The following MYBPC2 variants were observed in gnomAD, a reference collection of about 807,000 sequenced individuals.
MYBPC2 encodes the protein myosin-binding protein C, fast-type.
A neutral mutation model predicts 137.0 loss-of-function variants in MYBPC2; 122 were observed. That is an observed-to-expected ratio of 0.89 (90% CI 0.77 to 1.03). The LOEUF is 1.03. MYBPC2 is among the 50% of genes least tolerant of loss of function. MYBPC2 has a pLI of 0.00. For missense variants in MYBPC2, 1,500 were observed against 1,534.4 expected, an observed-to-expected ratio of 0.98 and a Z score of 0.37; for synonymous variants, 626 against 612.3, an observed-to-expected ratio of 1.02 and a Z score of -0.33.
rs368278760 is a variant in MYBPC2, at chr19:50,437,709, T to C, written c.563T>C (p.Leu188Ser). 46 of 1,603,344 alleles carry C rather than the reference T, an allele frequency of 2.9e-5. No individual in the cohort carries two copies. Among genetic ancestry groups the C allele is most frequent in the Non-Finnish European group, 3.8e-5 (45 of 1,174,944 alleles). Residue 188 changes from leucine (L) to serine (S), a missense_variant, in exon 7 of 28, where the codon TTG (leucine) becomes TCG (serine). By Grantham distance (145) the Leu-to-Ser change is moderately radical. Transcript: ENST00000357701. ...GGTGAGCTGGATTTCAGTGGCCTGT[T>C]GAAGAAGAGGTGAGCCCCGGACTTG... is the stretch of plus-strand genomic sequence containing the variant. Reference protein sequence around the residue: ...TAGELDFSGLLKKREVVEEEK... With the variant: ...TAGELDFSGLSKKREVVEEEK...
intron 26 of MYBPC2, among the ~76,000 whole-genome samples, chr19:50,463,100 C>G (rs1416057690): frequency 6.6e-6 from 1 of 152,258 alleles, no homozygotes; most frequent in South Asian, 2.1e-4. Context: ...GTTGGCAAAC[C>G]ATCACCCATG....
intron 7 of MYBPC2, among the ~76,000 whole-genome samples, chr19:50,440,093 G>A (rs34217446): frequency 0.23 from 34,329 of 151,910 alleles, 3,965 homozygotes; most frequent in Non-Finnish European, 0.25. Flanking sequence ...ATGGCCAGGC[G>A]GAGGGCTGGG....
At chr19:50,437,058 A>G (rs1673033) in intron 5 of MYBPC2, among the ~76,000 whole-genome samples, 61,077 of 151,610 alleles carry the variant, frequency 0.4, 12,631 homozygotes, top group East Asian at 0.51. Flanking sequence ...GAGAAGAAGG[A>G]TGTAGGGGTT....
At chr19:50,451,212 G>A in intron 14 of MYBPC2, 68 bp from the exon 15 acceptor site, 1 of 1,565,056 alleles carries the variant, frequency 6.4e-7, no homozygotes, top group Non-Finnish European at 8.8e-7. Flanking sequence ...TCTTCCTCTG[G>A]GCTGTGAAGG....
chr19:50,458,575 C>G lies in MYBPC2; in HGVS notation c.2339-12C>G. 1 of 1,610,042 alleles carries G rather than the reference C, an allele frequency of 6.2e-7. No individual in the cohort carries two copies. Among genetic ancestry groups the G allele is most frequent in the East Asian group, 2.2e-5 (1 of 44,864 alleles). ...AGGGCACGAGATCCGCCAGCAGGGC[C>G]TCTCTCTCCAGCCGAGGAATGGGTC... On this transcript the variant is annotated splice_polypyrimidine_tract_variant and intron_variant, in intron 20 of 27. Transcript: ENST00000357701.
chr19:50,451,139 C>G, intron 14 of MYBPC2, 141 bp from the exon 15 acceptor site: 1 of 1,107,636 alleles, frequency 9.0e-7, no homozygotes, highest in Non-Finnish European at 1.3e-6. Context: ...GGAGGGGTGG[C>G]TCCTGGGCCT....
Position 50,436,305 on chromosome 19 carries a change from G to A in MYBPC2, c.345+145G>A, listed in dbSNP as rs371041462. 1.3e-4 allele frequency: 170 copies of A among 1,317,294 alleles called. No individual in the cohort carries two copies. The African/African-American group carries it at 2.3e-3, about 18-fold the overall frequency. 81.6% of individuals were successfully genotyped at this position (1,317,294 alleles called of 1,614,324 possible). On this transcript the variant is annotated intron_variant, in intron 4 of 27. Coordinates refer to ENST00000357701, the MANE Select transcript of MYBPC2 (RefSeq NM_004533.4). ...GCCCTCTGAGGATGGAGGTTGTGCGGGGCTGCTGGGGAGAGGTTGTGTGAA... is the reference window on the plus strand; with the variant it reads ...GCCCTCTGAGGATGGAGGTTGTGCGAGGCTGCTGGGGAGAGGTTGTGTGAA...
chr19:50,444,190 C>CCCATT, intron 11 of MYBPC2, among the ~76,000 whole-genome samples: 1 of 148,908 alleles, frequency 6.7e-6, no homozygotes, highest in South Asian at 2.1e-4. Flanking sequence ...ATCTGCTTAA[C>CCCATT]CATCCATCCA....
chr19:50,462,063 G>A lies in MYBPC2; in HGVS notation c.3228+27G>A, dbSNP rs2445840. On this transcript the variant is annotated intron_variant, in intron 26 of 27. Transcript: ENST00000357701. ...TGCCAGGGCAGGGACCCAGATCTGC[G>A]TGTGTGTTGCCTTGTGGGGAATCTT... is the stretch of plus-strand genomic sequence containing the variant. 7,359 of 1,560,512 alleles carry A rather than the reference G, an allele frequency of 4.7e-3. 263 individuals are homozygous for A. In the African/African-American group the frequency reaches 0.078, roughly 17 times the overall value.
At chr19:50,433,139 G>A (rs1293059549) in intron 1 of MYBPC2, among the ~76,000 whole-genome samples, 167 bp downstream of exon 1, 1 of 152,174 alleles carries the variant, frequency 6.6e-6, no homozygotes, top group African/African-American at 2.4e-5. Flanking sequence ...TTTAGGGTGA[G>A]GGTCTCGACT....
Position 50,461,593 on chromosome 19 carries a change from G to A in MYBPC2, c.2983G>A (p.Asp995Asn), listed in dbSNP as rs200402329. The A allele has an allele frequency of 2.1e-4, 331 of 1,613,610 alleles. 3 individuals are homozygous for A. The South Asian group carries it at 3.3e-3, about 16-fold the overall frequency. The change falls in exon 25 of 28, where the codon GAC becomes AAC. Residue 995 changes from aspartate (D) to asparagine (N), a missense_variant. Asp to Asn is a conservative substitution (Grantham distance 23, BLOSUM62 1). Coordinates refer to ENST00000357701, the MANE Select transcript of MYBPC2 (RefSeq NM_004533.4). ...RNRHTSCTVS[D>N]LIVGNEYYFR... is the part of the protein sequence containing the mutation. The stretch of plus-strand genomic sequence containing the variant: ...CAGGCACACTAGCTGTACTGTGTCC[G>A]ACCTTATCGTGGGCAATGAATACTA...
chr19:50,459,979 G>A, intron 23 of MYBPC2, 61 bp from the exon 24 acceptor site: 5 of 1,544,970 alleles, frequency 3.2e-6, no homozygotes, highest in East Asian at 2.5e-5. Context: ...AGAGGGGAGG[G>A]GAGGGAAGCG....
At chr19:50,450,108 G>A (rs1303507317) in intron 13 of MYBPC2, among the ~76,000 whole-genome samples, 1 of 152,134 alleles carries the variant, frequency 6.6e-6, no homozygotes, top group Non-Finnish European at 1.5e-5. Flanking sequence ...AGTGAGCCAA[G>A]ATCATGCCAT....
rs965761927 is a variant in MYBPC2 at position 50,451,372 on chromosome 19, G to A, written c.1609+63G>A. The stretch of plus-strand genomic sequence containing the variant: ...GAGGAGGGACCGGGCTGAGGGAGGA[G>A]GGGAATGGCCGAGGGAGGATAGGCA... On this transcript the variant is annotated intron_variant, in intron 15 of 27. Coordinates refer to ENST00000357701, the MANE Select transcript of MYBPC2 (RefSeq NM_004533.4). 8 of 1,576,848 alleles carry A rather than the reference G, an allele frequency of 5.1e-6. No individual in the cohort carries two copies. In the African/African-American group the frequency reaches 6.8e-5, roughly 13 times the overall value.
At position 50,460,168 on chromosome 19, in the gene MYBPC2, A is replaced by C. The variant is rs1020861365; in HGVS notation, c.2920A>C (p.Lys974Gln). The C allele has an allele frequency of 4.4e-6, 7 of 1,602,522 alleles. No homozygotes were observed. Among genetic ancestry groups the C allele is most frequent in the Non-Finnish European group, 6.0e-6 (7 of 1,174,520 alleles). The change falls in exon 24 of 28, where the codon AAA becomes CAA. Residue 974 changes from lysine to glutamine, a missense_variant. Transcript: ENST00000357701. ...GGGGTATTTCGTCCAGAAAGCAGAC[A>C]AAAAAACCATGGTGAGAGAGCAGAG... ...IMGYFVQKAD[K>Q]KTMEWFNVYE...
intron 1 of MYBPC2, among the ~76,000 whole-genome samples, chr19:50,433,413 T>G (rs1459634927): frequency 1.6e-4 from 8 of 48,600 alleles, no homozygotes; most frequent in South Asian, 1.0e-3. Flanking sequence ...TGGTTTTTGG[T>G]TTTTTTTTTG....
In MYBPC2 at chr19:50,464,456, C is replaced by T. The variant is rs774684317; in HGVS notation, c.3339C>T (p.Phe1113=). 1.1e-5 allele frequency: 17 copies of T among 1,612,298 alleles called. No individual in the cohort carries two copies. The highest frequency in any genetic ancestry group is 2.2e-5 in the East Asian group (1 of 44,868). Residue 1113 remains phenylalanine, a synonymous_variant, in exon 27 of 28, where the codon TTC becomes TTT. Coordinates refer to ENST00000357701, the MANE Select transcript of MYBPC2 (RefSeq NM_004533.4). ...TGAACATCCGTCGCCCCTCGCCCTTCGACGCTGGGACTTACACCTGCCGGG... is the reference window on the plus strand; with the variant it reads ...TGAACATCCGTCGCCCCTCGCCCTTTGACGCTGGGACTTACACCTGCCGGG... ...LTLNIRRPSP[F]DAGTYTCRAV...
chr19:50,458,806 C>T, intron 21 of MYBPC2, 52 bp downstream of exon 21: 3 of 1,601,754 alleles, frequency 1.9e-6, no homozygotes, highest in Admixed American at 3.4e-5. Flanking sequence ...CGTCGTCCCG[C>T]CTGCCCTTTC....
chr19:50,460,062 C>T lies in MYBPC2; in HGVS notation c.2814C>T (p.Asn938=), dbSNP rs746922627. ...CAGAAAAGGCTGGGCCCCCCATAAA[C>T]GTGATGGTGAAGGAGGTGTGGGGCA... ...RVVEKAGPPI[N]VMVKEVWGTN... The change falls in exon 24 of 28, where the codon AAC becomes AAT. Residue 938 remains asparagine, a synonymous_variant. Transcript: ENST00000357701. 2.6e-5 allele frequency: 40 copies of T among 1,556,480 alleles called. No individual in the cohort carries two copies. The South Asian group carries it at 4.0e-4, about 16-fold the overall frequency.
Sources: gnomAD v4.1 joint callset for allele counts (sites outside exome capture counted in the v4.1 genomes callset) on GRCh38, gnomAD v4.1.1 for gene constraint, MANE v1.5 for transcripts, NCBI Gene and HGNC (gene_info 2026-07-23, HGNC 2026-07-21) for gene names.